The following BICC1 variants were observed in gnomAD, a reference collection of about 807,000 sequenced individuals.
The protein encoded by BICC1 is protein bicaudal C homolog 1.
In BICC1, 43 loss-of-function variants were observed where a neutral mutation model predicts 111.0. The observed-to-expected ratio is 0.39, with a 90% CI of 0.30 to 0.50. BICC1 has a LOEUF of 0.50. Ranked by LOEUF, BICC1 falls within the 20% of genes least tolerant of loss-of-function variation. BICC1 has a pLI of 0.88. For missense variants in BICC1, 1,091 were observed against 1,203.2 expected (o/e 0.91, Z 1.38); for synonymous variants, 467 against 434.4 (o/e 1.07, Z -0.93).
chr10:58,775,585 A>G (rs1041185163), intron 3 of BICC1, among the ~76,000 whole-genome samples: 10 of 152,198 alleles, frequency 6.6e-5, no homozygotes, highest in African/African-American at 1.9e-4. Context: ...GCCCAAAGAT[A>G]TAAATCTCTT....
chr10:58,633,256 G>A (rs945108457), intron 2 of BICC1, among the ~76,000 whole-genome samples: 18 of 152,182 alleles, frequency 1.2e-4, no homozygotes, highest in Admixed American at 2.0e-4. Context: ...GTGCAACTGT[G>A]AGCCAATTAA....
chr10:58,519,841 C>G lies in BICC1; in HGVS notation c.190+6508C>G, dbSNP rs370657934. On this transcript the variant is annotated intron_variant, in intron 1 of 20. Transcript: ENST00000373886. Reference sequence around the variant, plus strand: ...AAATTCTCCATTGTTTTCTCCATGTCAAATGTTTTTTTTTCCATAGAAAAT... The same window carrying G: ...AAATTCTCCATTGTTTTCTCCATGTGAAATGTTTTTTTTTCCATAGAAAAT... Among the ~76,000 whole-genome samples, 5 of 151,982 alleles carry G rather than the reference C, an allele frequency of 3.3e-5. No individual in the cohort carries two copies. The East Asian group carries it at 7.7e-4, about 23-fold the overall frequency.
At chr10:58,556,428 T>C (rs934635302) in intron 1 of BICC1, among the ~76,000 whole-genome samples, 8 of 152,090 alleles carry the variant, frequency 5.3e-5, no homozygotes, top group African/African-American at 1.9e-4. Context: ...GTTAAGAGTA[T>C]GAAGGAGAAA....
At chr10:58,693,840 T>G (rs1195903723) in intron 2 of BICC1, among the ~76,000 whole-genome samples, 1 of 152,208 alleles carries the variant, frequency 6.6e-6, no homozygotes, top group East Asian at 1.9e-4. Flanking sequence ...TAGTTTCTTT[T>G]GCTGTGCAGA....
intron 1 of BICC1, among the ~76,000 whole-genome samples, chr10:58,542,850 A>C (rs557522727): frequency 6.6e-5 from 10 of 152,048 alleles, no homozygotes; most frequent in Middle Eastern, 3.4e-3. Context: ...CCATTATTAA[A>C]AAAAAACAAA....
intron 1 of BICC1, among the ~76,000 whole-genome samples, chr10:58,607,965 T>C (rs1466191611): frequency 2.0e-5 from 3 of 152,206 alleles, no homozygotes; most frequent in Non-Finnish European, 2.9e-5. Context: ...TTCATGGTAA[T>C]GTATGGGACT....
chr10:58,612,966 G>C (rs911774174), intron 1 of BICC1, among the ~76,000 whole-genome samples: 8 of 152,032 alleles, frequency 5.3e-5, no homozygotes, highest in Non-Finnish European at 7.4e-5. Flanking sequence ...AGTTTGGGGG[G>C]ATTGTAATAG....
intron 20 of BICC1, 61 bp from the exon 21 acceptor site, chr10:58,828,700 G>A: frequency 6.4e-7 from 1 of 1,560,658 alleles, no homozygotes; most frequent in Non-Finnish European, 8.7e-7. Context: ...CTAGTGCCAT[G>A]TCCTGTAGTA....
chr10:58,595,190 C>T (rs978181742), intron 1 of BICC1, among the ~76,000 whole-genome samples: 6 of 152,116 alleles, frequency 3.9e-5, no homozygotes, highest in African/African-American at 1.2e-4. Context: ...GTGCATCCAA[C>T]ACAGGAATAC....
chr10:58,761,082 T>C (rs946524012), intron 3 of BICC1, among the ~76,000 whole-genome samples: 3 of 152,128 alleles, frequency 2.0e-5, no homozygotes, highest in Admixed American at 6.5e-5. Flanking sequence ...GGTCTTGAAC[T>C]CCTGGACTCA....
intron 3 of BICC1, among the ~76,000 whole-genome samples, chr10:58,707,898 T>C (rs760998451): frequency 5.3e-5 from 8 of 152,172 alleles, no homozygotes; most frequent in Non-Finnish European, 8.8e-5. Context: ...TGTTTCTCCA[T>C]GTTGGTCAGG....
At chr10:58,604,518 A>T (rs1423171942) in intron 1 of BICC1, among the ~76,000 whole-genome samples, 3 of 152,010 alleles carry the variant, frequency 2.0e-5, no homozygotes, top group African/African-American at 4.8e-5. Context: ...AAAATTAGCC[A>T]GGAGTGGTGG....
chr10:58,635,365 T>C (rs552676712), intron 2 of BICC1, among the ~76,000 whole-genome samples: 1 of 152,224 alleles, frequency 6.6e-6, no homozygotes, highest in African/African-American at 2.4e-5. Flanking sequence ...TTTGATGAAA[T>C]GATTTCTTTT....
At chr10:58,725,648 G>T (rs1194537216) in intron 3 of BICC1, among the ~76,000 whole-genome samples, 2 of 152,194 alleles carry the variant, frequency 1.3e-5, no homozygotes, top group Admixed American at 6.5e-5. Flanking sequence ...AAATCCACAT[G>T]GTTTACTTGC....
intron 3 of BICC1, among the ~76,000 whole-genome samples, chr10:58,762,483 G>A (rs1483038733): frequency 6.6e-6 from 1 of 152,092 alleles, no homozygotes; most frequent in Non-Finnish European, 1.5e-5. Context: ...CCAAAAATGT[G>A]GTCAGCGTTG....
intron 2 of BICC1, among the ~76,000 whole-genome samples, chr10:58,681,830 T>A (rs900112650): frequency 2.6e-5 from 4 of 152,032 alleles, no homozygotes; most frequent in African/African-American, 4.8e-5. Flanking sequence ...GGAGTGAAGC[T>A]GCAGACCTTC....
At position 58,584,077 on chromosome 10, in the gene BICC1, C is replaced by T. The variant is rs199713595; in HGVS notation, c.191-36778C>T. Among the ~76,000 whole-genome samples the T allele has an allele frequency of 3.7e-3, 554 of 150,680 alleles. 2 individuals are homozygous for T. Among genetic ancestry groups the T allele is most frequent in the East Asian group, 0.019 (96 of 5,124 alleles). On this transcript the variant is annotated intron_variant, in intron 1 of 20. Coordinates refer to ENST00000373886, the MANE Select transcript of BICC1 (RefSeq NM_001080512.3). ...TGAAACACACACACACACACACACACACACACACACACACACACACACAGT... is the reference window on the plus strand; with the variant it reads ...TGAAACACACACACACACACACACATACACACACACACACACACACACAGT...
intron 2 of BICC1, among the ~76,000 whole-genome samples, chr10:58,661,990 T>G (rs1838858950): frequency 6.6e-6 from 1 of 152,202 alleles, no homozygotes; most frequent in South Asian, 2.1e-4. Flanking sequence ...AAAATTGTTA[T>G]GAAGAATAAA....
intron 1 of BICC1, among the ~76,000 whole-genome samples, chr10:58,558,404 C>G (rs1843513849): frequency 6.6e-6 from 1 of 152,114 alleles, no homozygotes; most frequent in African/African-American, 2.4e-5. Flanking sequence ...TTCCACCTTG[C>G]TTCATGCTTT....
Sources: gnomAD v4.1 joint callset for allele counts (sites outside exome capture counted in the v4.1 genomes callset) on GRCh38, gnomAD v4.1.1 for gene constraint, MANE v1.5 for transcripts, NCBI Gene and HGNC (gene_info 2026-07-23, HGNC 2026-07-21) for gene names.